IARS2: variants seen among roughly 807,000 people sequenced by gnomAD.
The protein encoded by IARS2 is isoleucyl-tRNA synthetase 2, mitochondrial, also known as isoleucine--tRNA ligase, mitochondrial.
In IARS2, 56 loss-of-function variants were observed where a neutral mutation model predicts 126.3. The observed-to-expected ratio is 0.44, with a 90% CI of 0.36 to 0.55. IARS2 has a LOEUF of 0.55. IARS2 is among the 20% of genes least tolerant of loss of function. The pLI, the probability that IARS2 is intolerant of heterozygous loss-of-function variation, is 0.00. For synonymous variants in IARS2, 407 were observed against 441.1 expected, an observed-to-expected ratio of 0.92 and a Z score of 0.97; for missense variants, 1,127 against 1,245.9, an observed-to-expected ratio of 0.90 and a Z score of 1.44.
At chr1:220,100,286 G>T (rs1656544419) in intron 2 of IARS2, among the ~76,000 whole-genome samples, 1 of 152,056 alleles carries the variant, frequency 6.6e-6, no homozygotes, top group African/African-American at 2.4e-5. Context: ...GACTATTTGT[G>T]TCAATAGTTT....
In IARS2 at chr1:220,145,565, T is replaced by G. The variant is rs978475329; in HGVS notation, c.2808T>G (p.Ala936=). Residue 936 remains alanine, a synonymous_variant, in exon 22 of 23, where the codon GCT becomes GCG. Transcript: ENST00000366922. The part of the protein sequence containing the change: ...STSQLNELMM[A]SESTLLAQEP... ...CTCAGTTGAATGAATTAATGATGGC[T>G]TCTGAGTCAACTTTACTGGCTCAGG... 2 of 1,613,836 alleles carry G rather than the reference T, an allele frequency of 1.2e-6. No homozygotes were observed. The highest frequency in any genetic ancestry group is 2.7e-5 in the African/African-American group (2 of 75,062).
chr1:220,098,749 G>A (rs1189693945), intron 2 of IARS2, among the ~76,000 whole-genome samples: 2 of 152,120 alleles, frequency 1.3e-5, no homozygotes, highest in Non-Finnish European at 2.9e-5. Flanking sequence ...ATACTGAGGA[G>A]TTAGTAAAAT....
At position 220,147,540 on chromosome 1, in the gene IARS2, A is replaced by C. The variant is rs770256586; in HGVS notation, c.2944A>C (p.Thr982Pro). 5.6e-6 allele frequency: 9 copies of C among 1,614,066 alleles called. No homozygotes were observed. Among genetic ancestry groups the C allele is most frequent in the African/African-American group, 2.7e-5 (2 of 74,930 alleles). Residue 982 changes from threonine to proline, a missense_variant, in exon 23 of 23, where the codon ACT becomes CCT. Thr to Pro is a conservative substitution (Grantham distance 38). Transcript: ENST00000366922. ...ESSYKVIVMP[T>P]TKEKCPRCWK... ...TTCCTATAAAGTAATTGTCATGCCG[A>C]CTACGAAAGAAAAATGCCCCCGTTG...
At chr1:220,143,915 T>C (rs912458976) in intron 21 of IARS2, 1 of 921,642 alleles carries the variant, frequency 1.1e-6, no homozygotes, top group African/African-American at 1.7e-5. Context: ...ATATAATTTT[T>C]TTTCCACGGG....
intron 15 of IARS2, among the ~76,000 whole-genome samples, chr1:220,135,603 AC>A (rs1657356938): frequency 1.4e-5 from 2 of 147,808 alleles, no homozygotes; most frequent in African/African-American, 5.1e-5. Flanking sequence ...CAAGGGATTC[AC>A]CCTCCTGAGC....
intron 12 of IARS2, among the ~76,000 whole-genome samples, chr1:220,117,495 C>T (rs374328270): frequency 6.6e-6 from 1 of 151,964 alleles, no homozygotes; most frequent in Non-Finnish European, 1.5e-5. Flanking sequence ...CCACTGTGCC[C>T]GGCTACTCTT....
intron 8 of IARS2, among the ~76,000 whole-genome samples, chr1:220,105,040 A>G (rs1306019766): frequency 6.6e-6 from 1 of 152,212 alleles, no homozygotes; most frequent in Admixed American, 6.5e-5. Flanking sequence ...GAGGCAGGAA[A>G]GGAGCTTAAG....
chr1:220,099,036 C>T (rs1378279100), intron 2 of IARS2, among the ~76,000 whole-genome samples: 1 of 151,538 alleles, frequency 6.6e-6, no homozygotes, highest in Non-Finnish European at 1.5e-5. Context: ...CATGGTAAAA[C>T]CCCCTCTCTA....
chr1:220,134,358 C>A, intron 14 of IARS2, 44 bp from the exon 15 acceptor site: 1 of 1,328,676 alleles, frequency 7.5e-7, no homozygotes. Flanking sequence ...TTTTAATTAA[C>A]TTAAATTTCT....
chr1:220,095,490 T>C (rs1297409943), intron 1 of IARS2, among the ~76,000 whole-genome samples: 3 of 152,232 alleles, frequency 2.0e-5, no homozygotes. Flanking sequence ...TTTTAAAGGT[T>C]TTTTAGTCAA....
At chr1:220,096,073 T>C in intron 1 of IARS2, 31 bp from the exon 2 acceptor site, 1 of 1,230,726 alleles carries the variant, frequency 8.1e-7, no homozygotes, top group African/African-American at 1.5e-5. Context: ...ATTTATATGA[T>C]GTTTAGATAT....
rs11806086 is a variant in IARS2 at position 220,145,959 on chromosome 1, T to G, written c.2896+306T>G. Among the ~76,000 whole-genome samples, 12,777 of 152,170 alleles carry G rather than the reference T, an allele frequency of 0.084. 1,209 individuals carry two copies. The highest frequency in any genetic ancestry group is 0.22 in the African/African-American group (9,293 of 41,482). ...GGCTGACTTGCTCCCATTCCTCTTT[T>G]GTGTCCCCCTGCTTTGATACTTAGT... On this transcript the variant is annotated intron_variant, in intron 22 of 22. Transcript: ENST00000366922.
At chr1:220,097,906 A>C (rs1217257709) in intron 2 of IARS2, among the ~76,000 whole-genome samples, 1 of 150,568 alleles carries the variant, frequency 6.6e-6, no homozygotes, top group Non-Finnish European at 1.5e-5. Context: ...ACAGAGTCTC[A>C]CGCTGTCACC....
At chr1:220,106,324 C>G (rs1404626064) in intron 9 of IARS2, among the ~76,000 whole-genome samples, 1 of 152,138 alleles carries the variant, frequency 6.6e-6, no homozygotes, top group Admixed American at 6.6e-5. Flanking sequence ...TATCAAGTCA[C>G]ATAGACAAAT....
chr1:220,126,240 A>T (rs529104690), intron 13 of IARS2, among the ~76,000 whole-genome samples: 69 of 152,280 alleles, frequency 4.5e-4, no homozygotes, highest in Middle Eastern at 3.4e-3. Flanking sequence ...GCGCCATTGC[A>T]CTCCAGGCTG....
At chr1:220,143,174 C>T (rs754463574) in intron 21 of IARS2, 40 bp downstream of exon 21, 1 of 1,460,062 alleles carries the variant, frequency 6.8e-7, no homozygotes, top group Non-Finnish European at 9.3e-7. Context: ...GTGTTAGTAT[C>T]ATAGAGCTTT....
chr1:220,147,059 G>A lies in IARS2; in HGVS notation c.2897-434G>A, dbSNP rs182827021. Among the ~76,000 whole-genome samples the A allele has an allele frequency of 3.6e-3, 541 of 152,302 alleles. 3 individuals are homozygous for A. Among genetic ancestry groups the A allele is most frequent in the African/African-American group, 0.012 (504 of 41,560 alleles). ...AATCTGAGGTCTAAGAGTATTAATT[G>A]TGGAGATATTTTTGGTTCCTTTTGT... On this transcript the variant is annotated intron_variant, in intron 22 of 22. Transcript: ENST00000366922.
At chr1:220,096,710 G>A (rs1166502901) in intron 2 of IARS2, among the ~76,000 whole-genome samples, 1 of 152,146 alleles carries the variant, frequency 6.6e-6, no homozygotes, top group Non-Finnish European at 1.5e-5. Flanking sequence ...TTAGGCATCT[G>A]TAGTTTCAAA....
intron 14 of IARS2, 102 bp downstream of exon 14, chr1:220,126,945 T>C: frequency 1.3e-6 from 1 of 778,344 alleles, no homozygotes; most frequent in Non-Finnish European, 2.1e-6. Context: ...GTGTGTGCTT[T>C]ATTTAGAGAT....
Sources: allele counts gnomAD v4.1 joint callset (sites outside exome capture counted in the v4.1 genomes callset), GRCh38; gene constraint gnomAD v4.1.1; transcripts MANE v1.5; gene names NCBI Gene and HGNC (gene_info 2026-07-23, HGNC 2026-07-21).